STPG4: variants seen among roughly 807,000 people sequenced by gnomAD.
STPG4 encodes protein STPG4.
STPG4 carries 41 observed loss-of-function variants against 31.5 expected under a neutral mutation model. That is an observed-to-expected ratio of 1.30 (90% CI 1.01 to 1.69). The LOEUF is 1.69. Among genes scored for constraint, STPG4 ranks in the 40% most tolerant of loss-of-function variants. STPG4 has a pLI of 0.00. For synonymous variants in STPG4, 141 were observed against 103.0 expected, an observed-to-expected ratio of 1.37 and a Z score of -2.24; for missense variants, 375 against 293.4, an observed-to-expected ratio of 1.28 and a Z score of -2.03.
chr2:47,097,386 C>A (rs867686812), intron 5 of STPG4, among the ~76,000 whole-genome samples: 2 of 152,086 alleles, frequency 1.3e-5, no homozygotes, highest in Non-Finnish European at 2.9e-5. Context: ...ATGCTGATGT[C>A]CCCCCAAAAT....
In STPG4 at chr2:47,093,845, C is replaced by A. The variant is rs565415104; in HGVS notation, c.520-3471G>T. 2.6e-5 allele frequency among the ~76,000 whole-genome samples: 4 copies of A among 152,364 alleles called. No individual in the cohort carries two copies. The South Asian group carries it at 8.3e-4, about 32-fold the overall frequency. On this transcript the variant is annotated intron_variant, in intron 5 of 6. Transcript: ENST00000445927. ...AGCCCAAGTTCATATTCCAAAGCCA[C>A]AGGCATGCTGCGGCAAAGCCGTGAC...
intron 5 of STPG4, 92 bp from the exon 6 acceptor site, chr2:47,090,466 A>G (rs1685548641): frequency 2.5e-6 from 2 of 807,270 alleles, no homozygotes; most frequent in African/African-American, 1.7e-5. Context: ...CATATGAATC[A>G]CTGTGATATA....
chr2:47,114,567 T>C (rs1200193389), intron 5 of STPG4, among the ~76,000 whole-genome samples: 1 of 152,178 alleles, frequency 6.6e-6, no homozygotes, highest in African/African-American at 2.4e-5. Flanking sequence ...CAGCATTTGT[T>C]TTTTATCTGA....
rs74691655 is a variant in STPG4 at position 47,151,426 on chromosome 2, G to A, written c.231C>T (p.Asn77=). The A allele has an allele frequency of 4.8e-3, 7,802 of 1,614,064 alleles. 29 individuals carry two copies. Among genetic ancestry groups the A allele is most frequent in the Non-Finnish European group, 5.5e-3 (6,431 of 1,179,982 alleles). ...CAAGAGGTGGCTTTTTCCTTCCTTC[G>A]TTTTTAAAATTGTAGGTTGCTATCA... is the stretch of plus-strand genomic sequence containing the variant. The part of the protein sequence containing the change: ...NPVIATYNFK[N]EGRKKPPLVQ... Residue 77 remains asparagine, a synonymous_variant, in exon 3 of 7, where the codon AAC becomes AAT. Transcript: ENST00000445927.
chr2:47,148,698 A>C (rs1486826127), intron 3 of STPG4, among the ~76,000 whole-genome samples: 1 of 152,070 alleles, frequency 6.6e-6, no homozygotes, highest in Non-Finnish European at 1.5e-5. Context: ...ACTCCACGAC[A>C]GGCTCCTGTG....
At chr2:47,121,429 C>G (rs1686270525) in intron 5 of STPG4, among the ~76,000 whole-genome samples, 1 of 152,110 alleles carries the variant, frequency 6.6e-6, no homozygotes, top group Non-Finnish European at 1.5e-5. Context: ...TGGCTTAAAC[C>G]CCAGGCAGGA....
intron 3 of STPG4, among the ~76,000 whole-genome samples, chr2:47,136,912 T>A (rs1042438916): frequency 6.6e-6 from 1 of 152,236 alleles, no homozygotes; most frequent in Non-Finnish European, 1.5e-5. Context: ...ATTTTCTACA[T>A]AGGCAATCAT....
intron 5 of STPG4, among the ~76,000 whole-genome samples, chr2:47,126,007 C>T (rs931500785): frequency 3.9e-5 from 6 of 152,148 alleles, no homozygotes; most frequent in African/African-American, 1.4e-4. Flanking sequence ...ATTCTTGGCA[C>T]CTGTGTCAAA....
intron 5 of STPG4, among the ~76,000 whole-genome samples, chr2:47,126,833 T>C (rs1686376153): frequency 6.6e-6 from 1 of 152,194 alleles, no homozygotes; most frequent in Admixed American, 6.5e-5. Context: ...AAATATGTCA[T>C]GCCACTCACT....
chr2:47,097,119 T>G (rs1475207053), intron 5 of STPG4, among the ~76,000 whole-genome samples: 1 of 152,138 alleles, frequency 6.6e-6, no homozygotes, highest in Non-Finnish European at 1.5e-5. Context: ...TGCACTCAGA[T>G]TCATGTGCAA....
chr2:47,094,370 C>A (rs1461035314), intron 5 of STPG4, among the ~76,000 whole-genome samples: 3 of 152,142 alleles, frequency 2.0e-5, no homozygotes, highest in Non-Finnish European at 4.4e-5. Flanking sequence ...CAACAGGGAA[C>A]CTTTACAGTA....
intron 5 of STPG4, among the ~76,000 whole-genome samples, chr2:47,109,589 T>C (rs995001640): frequency 6.6e-6 from 1 of 151,636 alleles, no homozygotes; most frequent in Non-Finnish European, 1.5e-5. Context: ...CTAGCACATC[T>C]ATAAGCTATA....
intron 5 of STPG4, among the ~76,000 whole-genome samples, chr2:47,102,226 G>C (rs1297053952): frequency 6.6e-6 from 1 of 150,758 alleles, no homozygotes; most frequent in East Asian, 1.9e-4. Flanking sequence ...GCAGGGTCCA[G>C]GGACCATTGC....
At chr2:47,130,934 C>T (rs6760154) in intron 3 of STPG4, among the ~76,000 whole-genome samples, 12,992 of 151,662 alleles carry the variant, frequency 0.086, 676 homozygotes, top group East Asian at 0.11. Context: ...CCCACCTCCA[C>T]ATCCCAAGTA....
intron 3 of STPG4, among the ~76,000 whole-genome samples, chr2:47,148,193 T>C (rs1172128692): frequency 6.6e-6 from 1 of 152,108 alleles, no homozygotes; most frequent in African/African-American, 2.4e-5. Flanking sequence ...GTGATCCACC[T>C]GCCTCGGCCT....
intron 6 of STPG4, among the ~76,000 whole-genome samples, chr2:47,089,563 A>G (rs1685526256): frequency 6.6e-6 from 1 of 152,102 alleles, no homozygotes. Context: ...ATCTCAAATG[A>G]GTCTACATAC....
At chr2:47,119,868 G>C (rs1395290821) in intron 5 of STPG4, among the ~76,000 whole-genome samples, 2 of 152,222 alleles carry the variant, frequency 1.3e-5, no homozygotes, top group East Asian at 1.9e-4. Flanking sequence ...AGGGCTAAAT[G>C]TGGGGAAAGC....
chr2:47,125,979 G>C (rs1686358493), intron 5 of STPG4, among the ~76,000 whole-genome samples: 1 of 152,158 alleles, frequency 6.6e-6, no homozygotes, highest in Non-Finnish European at 1.5e-5. Context: ...TGAAGAGACT[G>C]TCCTTTCCCC....
intron 5 of STPG4, among the ~76,000 whole-genome samples, chr2:47,126,270 CTT>C (rs1686363532): frequency 6.7e-6 from 1 of 148,208 alleles, no homozygotes; most frequent in African/African-American, 2.4e-5. Context: ...TCTTCTTTCT[CTT>C]CTTTCTCCTC....
Sources: gnomAD v4.1 joint callset for allele counts (sites outside exome capture counted in the v4.1 genomes callset) on GRCh38, gnomAD v4.1.1 for gene constraint, MANE v1.5 for transcripts, NCBI Gene and HGNC (gene_info 2026-07-23, HGNC 2026-07-21) for gene names.